SBDS: variants seen among roughly 807,000 people sequenced by gnomAD.
The protein encoded by SBDS is SBDS ribosome maturation factor.
In SBDS, 20 loss-of-function variants were observed where a neutral mutation model predicts 26.4. That is an observed-to-expected ratio of 0.76 (90% CI 0.53 to 1.10). The LOEUF (loss-of-function observed/expected upper bound fraction) is 1.10. Among genes scored for constraint, SBDS ranks in the 50% least tolerant of loss-of-function variants. SBDS has a pLI of 0.00. For synonymous variants in SBDS, 95 were observed against 105.1 expected, an observed-to-expected ratio of 0.90 and a Z score of 0.59; for missense variants, 241 against 302.0, an observed-to-expected ratio of 0.80 and a Z score of 1.50.
chr7:66,995,252 C>T (rs755185140), intron 1 of SBDS, 38 bp downstream of exon 1: 15 of 1,612,456 alleles, frequency 9.3e-6, no homozygotes, highest in Non-Finnish European at 5.9e-6. Flanking sequence ...GGTGACGGCT[C>T]AGGCCCAGGC....
At chr7:66,994,077 T>G in intron 2 of SBDS, 135 bp downstream of exon 2, 2 of 858,062 alleles carry the variant, frequency 2.3e-6, no homozygotes, top group African/African-American at 1.7e-5. Flanking sequence ...TCTTTATTAT[T>G]AGAAGTGACA....
intron 3 of SBDS, 152 bp from the exon 4 acceptor site, chr7:66,991,453 A>T: frequency 1.4e-6 from 1 of 702,504 alleles, no homozygotes; most frequent in East Asian, 2.8e-5. Flanking sequence ...AAAATAGAAA[A>T]ATTGGACTTA....
chr7:66,995,101 A>G (rs910242104), intron 1 of SBDS, 189 bp downstream of exon 1: 3 of 765,550 alleles, frequency 3.9e-6, no homozygotes, highest in African/African-American at 3.5e-5. Context: ...AACCAACCAA[A>G]TAAAGAAGAA....
rs1178152288 is a variant in SBDS, at chr7:66,991,129, A to G, written c.624+8T>C. 6.2e-7 allele frequency: 1 copy of G among 1,608,694 alleles called. No homozygotes were observed. The highest frequency in any genetic ancestry group is 8.5e-7 in the Non-Finnish European group (1 of 1,177,152). Reference sequence around the variant, plus strand: ...TAACATGAAGCAAAGAAAATATTTGACTCTTACGATTTCTAACTGTTGGCC... The same window carrying G: ...TAACATGAAGCAAAGAAAATATTTGGCTCTTACGATTTCTAACTGTTGGCC... On this transcript the variant is annotated splice_region_variant and intron_variant, in intron 4 of 4. Coordinates refer to ENST00000246868, the MANE Select transcript of SBDS (RefSeq NM_016038.4).
At chr7:66,995,077 A>C (rs1793070169) in intron 1 of SBDS, 1 of 637,166 alleles carries the variant, frequency 1.6e-6, no homozygotes, top group Admixed American at 3.0e-5. Context: ...ACCCCAAACC[A>C]ACAACCCAAT....
chr7:66,995,344 T>C lies in SBDS; in HGVS notation c.74A>G (p.Lys25Arg), dbSNP rs748342404. ...TTTGTAGCAGGCGATTTCGAAGCGC[T>C]TCCCGGCACGCTTCATCCGTACCAC... ...VAVVRMKRAGKRFEIACYKNK... is the reference protein window; with the variant it reads ...VAVVRMKRAGRRFEIACYKNK... The change falls in exon 1 of 5, where the codon AAG becomes AGG. Residue 25 changes from lysine to arginine, a missense_variant. Coordinates refer to ENST00000246868, the MANE Select transcript of SBDS (RefSeq NM_016038.4). 1 of 1,614,150 alleles carries C rather than the reference T, an allele frequency of 6.2e-7. No homozygotes were observed. The highest frequency in any genetic ancestry group is 1.1e-5 in the South Asian group (1 of 91,090).
At chr7:66,989,559 TAAATA>T (rs961616899) in intron 4 of SBDS, among the ~76,000 whole-genome samples, 1 of 151,732 alleles carries the variant, frequency 6.6e-6, no homozygotes, top group Non-Finnish European at 1.5e-5. Flanking sequence ...AATAAATAAA[TAAATA>T]AATAAATAAA....
rs947479850 is a variant in SBDS, at chr7:66,988,098, C to G, written c.*273G>C. On this transcript the variant is annotated 3_prime_UTR_variant, in exon 5 of 5. Transcript: ENST00000246868. ...AGTAACTTTCATTTTGGAAAGCTATCAAGGCATGAGACAGAGTAGCAAAAT... is the reference window on the plus strand; with the variant it reads ...AGTAACTTTCATTTTGGAAAGCTATGAAGGCATGAGACAGAGTAGCAAAAT... 3 of 450,182 alleles carry G rather than the reference C, an allele frequency of 6.7e-6. No individual in the cohort carries two copies. Among genetic ancestry groups the G allele is most frequent in the African/African-American group, 5.9e-5 (3 of 51,178 alleles). The allele number at this position is 450,182 out of a possible 1,614,324, so 27.9% of individuals were successfully genotyped here. A position where few individuals can be genotyped will look rare whatever the true frequency, so the allele number is the denominator to read the frequency against.
chr7:66,989,311 C>T (rs867885437), intron 4 of SBDS, among the ~76,000 whole-genome samples: 2 of 151,794 alleles, frequency 1.3e-5, no homozygotes, highest in African/African-American at 2.4e-5. Context: ...TTTGGGAGGC[C>T]GAGGCGGGTG....
rs932069895 is a variant in SBDS at position 66,987,774 on chromosome 7, A to G, written c.*597T>C. 1 of 177,956 alleles carries G rather than the reference A, an allele frequency of 5.6e-6. No homozygotes were observed. Among genetic ancestry groups the G allele is most frequent in the African/African-American group, 2.4e-5 (1 of 42,234 alleles). 11.0% of individuals were successfully genotyped at this position (177,956 alleles called of 1,614,324 possible). A position where few individuals can be genotyped will look rare whatever the true frequency, so the allele number is the denominator to read the frequency against. ...ATTAATATATATTATAAACTTTAAG[A>G]ATTAGAAATAAGTGACTTTTATTTT... is the stretch of plus-strand genomic sequence containing the variant. On this transcript the variant is annotated 3_prime_UTR_variant, in exon 5 of 5. Coordinates refer to ENST00000246868, the MANE Select transcript of SBDS (RefSeq NM_016038.4).
At position 66,993,245 on chromosome 7, in the gene SBDS, A is replaced by G; in HGVS notation, c.431T>C (p.Val144Ala). The change falls in exon 3 of 5, where the codon GTG becomes GCG. Residue 144 changes from valine to alanine, a missense_variant. Transcript: ENST00000246868. ...CTGTTTTGTACTCTTGTTGGTTTTC[A>G]CCGAATAGTGGATGTCCTTCATGGC... ...ERAMKDIHYSVKTNKSTKQQA... is the reference protein window; with the variant it reads ...ERAMKDIHYSAKTNKSTKQQA... 1 of 1,614,120 alleles carries G rather than the reference A, an allele frequency of 6.2e-7. No homozygotes were observed. Among genetic ancestry groups the G allele is most frequent in the Non-Finnish European group, 8.5e-7 (1 of 1,180,024 alleles).
Position 66,994,108 on chromosome 7 carries a change from C to G in SBDS, c.258+104G>C, listed in dbSNP as rs1584437424. On this transcript the variant is annotated intron_variant, in intron 2 of 4. Transcript: ENST00000246868. ...TGACACTGTGCAGTTCACATTATTG[C>G]TTGGTTAGTCTTTCCTCCAGAAAAA... The G allele has an allele frequency of 2.8e-6, 3 of 1,088,432 alleles. No homozygotes were observed. The East Asian group carries it at 7.5e-5, about 27-fold the overall frequency. 67.4% of individuals were successfully genotyped at this position (1,088,432 alleles called of 1,614,324 possible).
rs754099984 is a variant in SBDS at position 66,988,467 on chromosome 7, T to C, written c.657A>G (p.Glu219=). 9 of 1,613,936 alleles carry C rather than the reference T, an allele frequency of 5.6e-6. No individual in the cohort carries two copies. The Admixed American group carries it at 1.3e-4, about 24-fold the overall frequency. The change falls in exon 5 of 5, where the codon GAA becomes GAG. Residue 219 remains glutamate, a synonymous_variant. Coordinates refer to ENST00000246868, the MANE Select transcript of SBDS (RefSeq NM_016038.4). ...TTTCCTTTTTTATTAGCTCATCAATTTCTCGGAAGCAGCCCGGGTCAATCA... is the reference window on the plus strand; with the variant it reads ...TTTCCTTTTTTATTAGCTCATCAATCTCTCGGAAGCAGCCCGGGTCAATCA... The part of the protein sequence containing the change: ...VCLIDPGCFR[E]IDELIKKETK...
chr7:66,991,237 C>G lies in SBDS; in HGVS notation c.524G>C (p.Arg175Pro), dbSNP rs544699994. The G allele has an allele frequency of 1.2e-6, 2 of 1,613,954 alleles. No homozygotes were observed. Among genetic ancestry groups the G allele is most frequent in the Non-Finnish European group, 1.7e-6 (2 of 1,179,960 alleles). Residue 175 changes from arginine to proline, a missense_variant, in exon 4 of 5, where the codon CGG becomes CCG. Coordinates refer to ENST00000246868, the MANE Select transcript of SBDS (RefSeq NM_016038.4). ...MKIERAHMRL[R>P]FILPVNEGKK... Reference sequence around the variant, plus strand: ...GCCTTCATTGACTGGAAGGATGAACCGAAGCCTCATGTGAGCACGTTCTAT... The same window carrying G: ...GCCTTCATTGACTGGAAGGATGAACGGAAGCCTCATGTGAGCACGTTCTAT...
chr7:66,993,006 CAAAAA>C (rs71526589), intron 3 of SBDS, among the ~76,000 whole-genome samples: 1 of 115,758 alleles, frequency 8.6e-6, no homozygotes, highest in Non-Finnish European at 1.8e-5. Flanking sequence ...GACTCTGTCT[CAAAAA>C]AAAAAAAAAA....
At position 66,995,539 on chromosome 7, in the gene SBDS, G is replaced by A; in HGVS notation, c.-122C>T. The A allele has an allele frequency of 1.4e-6, 2 of 1,413,696 alleles. No homozygotes were observed. Among genetic ancestry groups the A allele is most frequent in the Middle Eastern group, 2.5e-4 (1 of 4,014 alleles). 87.6% of individuals were successfully genotyped at this position (1,413,696 alleles called of 1,614,324 possible). A position where few individuals can be genotyped will look rare whatever the true frequency, so the allele number is the denominator to read the frequency against. On this transcript the variant is annotated 5_prime_UTR_variant, in exon 1 of 5. Transcript: ENST00000246868. ...GCGCGGCACTGACCCAACCACCAGT[G>A]CGCGGCGCCGCGACTCACTAGCTTC... is the stretch of plus-strand genomic sequence containing the variant.
At chr7:66,991,929 T>C (rs761705303) in intron 3 of SBDS, among the ~76,000 whole-genome samples, 51 of 152,116 alleles carry the variant, frequency 3.4e-4, no homozygotes, top group Admixed American at 5.2e-4. Flanking sequence ...TTACTGAGGA[T>C]GTGGAGAAAC....
intron 2 of SBDS, among the ~76,000 whole-genome samples, 160 bp from the exon 3 acceptor site, chr7:66,993,577 A>G (rs1313796938): frequency 1.3e-5 from 2 of 152,188 alleles, no homozygotes; most frequent in Non-Finnish European, 1.5e-5. Flanking sequence ...TGCCCAAAAG[A>G]TGCAAGAATC....
intron 4 of SBDS, 45 bp downstream of exon 4, chr7:66,991,092 A>G (rs1450036135): frequency 4.1e-6 from 6 of 1,452,260 alleles, no homozygotes; most frequent in Admixed American, 1.8e-5. Context: ...ACTAGAGAAT[A>G]CAATATTTAG....
Sources: allele counts gnomAD v4.1 joint callset (sites outside exome capture counted in the v4.1 genomes callset), GRCh38; gene constraint gnomAD v4.1.1; transcripts MANE v1.5; gene names NCBI Gene and HGNC (gene_info 2026-07-23, HGNC 2026-07-21).